GABPA: variants seen among roughly 807,000 people sequenced by gnomAD.
GABPA encodes the protein GA binding protein transcription factor subunit alpha.
A neutral mutation model predicts 59.4 loss-of-function variants in GABPA; 4 were observed. The ratio of observed to expected loss-of-function variants is 0.07; its 90% confidence interval spans 0.03 to 0.15. The LOEUF (loss-of-function observed/expected upper bound fraction) is 0.15. GABPA is among the 10% of genes least tolerant of loss of function. The probability of loss-of-function intolerance (pLI) is 1.00; values close to 1 mark genes in which losing one functional copy is unlikely to be tolerated. For synonymous variants in GABPA, 164 were observed against 183.1 expected (o/e 0.90, Z 0.84); for missense variants, 251 against 543.8 (o/e 0.46, Z 5.36).
chr21:25,765,091 G>A lies in GABPA; in HGVS notation c.1136+304G>A, dbSNP rs71651640. 4.3e-4 allele frequency among the ~76,000 whole-genome samples: 66 copies of A among 151,962 alleles called. 1 individual carries two copies. The East Asian group carries it at 0.012, about 27-fold the overall frequency. The stretch of plus-strand genomic sequence containing the variant: ...ATTTGCATAGATGAATTGAGTGTTA[G>A]TTTTTAATGAGTAAGCAGAAACTGT... On this transcript the variant is annotated intron_variant, in intron 9 of 9. Transcript: ENST00000400075.
In GABPA at chr21:25,737,550, A is replaced by G. The variant is rs779222993; in HGVS notation, c.-27+1972A>G. 7.2e-5 allele frequency among the ~76,000 whole-genome samples: 11 copies of G among 152,180 alleles called. 1 individual carries two copies. In the South Asian group the frequency reaches 1.7e-3, roughly 23 times the overall value. The stretch of plus-strand genomic sequence containing the variant: ...TTTGGCACTTTCTAGGGATTGGTCT[A>G]TAAATTTTTTGAAAGATCATAGGAT... On this transcript the variant is annotated intron_variant, in intron 1 of 9. Transcript: ENST00000400075.
At chr21:25,768,963 A>ATTTC (rs35608323) in intron 9 of GABPA, 41 bp from the exon 10 acceptor site, 1 of 1,267,318 alleles carries the variant, frequency 7.9e-7, no homozygotes, top group Non-Finnish European at 1.1e-6. Context: ...AAGAAGTCTC[A>ATTTC]TTTTTTCTGA....
At chr21:25,739,807 A>C (rs1481094755) in intron 1 of GABPA, among the ~76,000 whole-genome samples, 10 of 152,140 alleles carry the variant, frequency 6.6e-5, no homozygotes, top group African/African-American at 2.4e-4. Flanking sequence ...TATAGGAGAC[A>C]GGTTCTTTTT....
At position 25,769,970 on chromosome 21, in the gene GABPA, T is replaced by G. The variant is rs2035976933; in HGVS notation, c.*738T>G. ...AGGCATTTAATTCTAATAAACCAGC[T>G]GTTATAAAAATTATAAAATGATCTC... On this transcript the variant is annotated 3_prime_UTR_variant, in exon 10 of 10. Transcript: ENST00000400075. The G allele has an allele frequency of 6.6e-6, 1 of 152,588 alleles. No homozygotes were observed. Among genetic ancestry groups the G allele is most frequent in the Non-Finnish European group, 1.5e-5 (1 of 68,000 alleles). 9.5% of individuals were successfully genotyped at this position (152,588 alleles called of 1,614,324 possible).
At chr21:25,766,035 C>G (rs1442894548) in intron 9 of GABPA, among the ~76,000 whole-genome samples, 3 of 151,930 alleles carry the variant, frequency 2.0e-5, no homozygotes, top group Admixed American at 1.3e-4. Context: ...GAGACTGACT[C>G]TAAAGTTACA....
At chr21:25,742,075 GC>G (rs1408800358) in intron 2 of GABPA, among the ~76,000 whole-genome samples, 1 of 152,168 alleles carries the variant, frequency 6.6e-6, no homozygotes, top group Non-Finnish European at 1.5e-5. Context: ...ATACTAATCT[GC>G]CCTTATAAAG....
intron 7 of GABPA, chr21:25,763,429 A>G: frequency 4.9e-6 from 1 of 202,542 alleles, no homozygotes; most frequent in Non-Finnish European, 9.9e-6. Context: ...AAGTATAACT[A>G]ACACCTGTGT....
chr21:25,740,367 C>G (rs528775700), intron 1 of GABPA, among the ~76,000 whole-genome samples: 1 of 152,264 alleles, frequency 6.6e-6, no homozygotes, highest in South Asian at 2.1e-4. Flanking sequence ...TTTAGTGGAG[C>G]GTTCCTTTTA....
chr21:25,738,415 C>G (rs1335440818), intron 1 of GABPA, among the ~76,000 whole-genome samples: 3 of 152,174 alleles, frequency 2.0e-5, no homozygotes, highest in Admixed American at 6.5e-5. Flanking sequence ...AATTCCAGGC[C>G]ATTGTCTATT....
chr21:25,762,295 A>G lies in GABPA; in HGVS notation c.749-17A>G, dbSNP rs565549073. 3.9e-5 allele frequency: 58 copies of G among 1,481,360 alleles called. No individual in the cohort carries two copies. The Admixed American group carries it at 5.7e-4, about 15-fold the overall frequency. 91.8% of individuals were successfully genotyped at this position (1,481,360 alleles called of 1,614,324 possible). ...TTTTGGTTTTAAATAAAAACAAAAA[A>G]TTTTTGTTTTTTTCAGATGTATTGG... On this transcript the variant is annotated splice_polypyrimidine_tract_variant and intron_variant, in intron 6 of 9. Transcript: ENST00000400075.
intron 1 of GABPA, among the ~76,000 whole-genome samples, chr21:25,737,409 A>C (rs2035104871): frequency 6.6e-6 from 1 of 152,242 alleles, no homozygotes; most frequent in Non-Finnish European, 1.5e-5. Flanking sequence ...GAACCAGGAG[A>C]GAAAGAAAGA....
chr21:25,746,094 C>T (rs2035356060), intron 3 of GABPA, among the ~76,000 whole-genome samples: 1 of 151,926 alleles, frequency 6.6e-6, no homozygotes, highest in Non-Finnish European at 1.5e-5. Context: ...TCACTGCAAC[C>T]TCCACCTCCC....
chr21:25,753,656 CTA>C (rs1448153021), intron 5 of GABPA, among the ~76,000 whole-genome samples: 1 of 152,032 alleles, frequency 6.6e-6, no homozygotes, highest in East Asian at 1.9e-4. Context: ...ACAGAAGTAA[CTA>C]GAGTTGGCGA....
Position 25,768,900 on chromosome 21 carries a change from G to A in GABPA, c.1137-104G>A, listed in dbSNP as rs572694083. ...CTTCAATATTAATTGCTATTGTGGC[G>A]GATGCAGTACTCTACTAGGCTTCTG... On this transcript the variant is annotated intron_variant, in intron 9 of 9. Coordinates refer to ENST00000400075, the MANE Select transcript of GABPA (RefSeq NM_002040.4). The A allele has an allele frequency of 3.6e-4, 245 of 676,844 alleles. No homozygotes were observed. The highest frequency in any genetic ancestry group is 4.5e-4 in the Non-Finnish European group (172 of 381,350). 41.9% of individuals were successfully genotyped at this position (676,844 alleles called of 1,614,324 possible). A position where few individuals can be genotyped will look rare whatever the true frequency, so the allele number is the denominator to read the frequency against.
chr21:25,738,815 A>G (rs542513696), intron 1 of GABPA, among the ~76,000 whole-genome samples: 3 of 152,022 alleles, frequency 2.0e-5, no homozygotes, highest in Non-Finnish European at 4.4e-5. Context: ...CTCGGTTTCC[A>G]CCTGTTTTCT....
chr21:25,742,092 G>A (rs2035235961), intron 2 of GABPA, among the ~76,000 whole-genome samples: 1 of 152,206 alleles, frequency 6.6e-6, no homozygotes. Flanking sequence ...TAAAGGCCAC[G>A]TTGTATTTGA....
Position 25,769,315 on chromosome 21 carries a change from A to G in GABPA, c.*83A>G. 1 of 639,226 alleles carries G rather than the reference A, an allele frequency of 1.6e-6. No individual in the cohort carries two copies. The highest frequency in any genetic ancestry group is 2.8e-6 in the Non-Finnish European group (1 of 353,978). The allele number at this position is 639,226 out of a possible 1,614,324, so 39.6% of individuals were successfully genotyped here. ...CTCTTACCTTTATTACTGAATTTGA[A>G]TCTTCTTTTATTTCTAGGCTGTACA... On this transcript the variant is annotated 3_prime_UTR_variant, in exon 10 of 10. Transcript: ENST00000400075.
Position 25,769,321 on chromosome 21 carries a change from T to G in GABPA, c.*89T>G. On this transcript the variant is annotated 3_prime_UTR_variant, in exon 10 of 10. Transcript: ENST00000400075. ...CCTTTATTACTGAATTTGAATCTTC[T>G]TTTATTTCTAGGCTGTACAGTCTGA... The G allele has an allele frequency of 3.2e-6, 2 of 633,856 alleles. No individual in the cohort carries two copies. Among genetic ancestry groups the G allele is most frequent in the Non-Finnish European group, 5.7e-6 (2 of 350,358 alleles). The allele number at this position is 633,856 out of a possible 1,614,324, so 39.3% of individuals were successfully genotyped here.
intron 5 of GABPA, among the ~76,000 whole-genome samples, chr21:25,755,516 C>CAG (rs2123542209): frequency 6.6e-6 from 1 of 150,818 alleles, no homozygotes; most frequent in South Asian, 2.1e-4. Flanking sequence ...TACCTGTCAG[C>CAG]AGTAGAAGAT....
Sources: gnomAD v4.1 joint callset for allele counts (sites outside exome capture counted in the v4.1 genomes callset) on GRCh38, gnomAD v4.1.1 for gene constraint, MANE v1.5 for transcripts, NCBI Gene and HGNC (gene_info 2026-07-23, HGNC 2026-07-21) for gene names.